LAMA2: variants seen among roughly 807,000 people sequenced by gnomAD.
The protein encoded by LAMA2 is laminin subunit alpha-2.
Under a neutral mutation model 364.8 loss-of-function variants are expected in LAMA2, and 269 were observed. The ratio of observed to expected loss-of-function variants is 0.74; its 90% CI spans 0.67 to 0.82. The LOEUF (loss-of-function observed/expected upper bound fraction) is 0.82, where lower values mean the gene tolerates loss of function less well. Among genes scored for constraint, LAMA2 ranks in the 40% least tolerant of loss-of-function variants. LAMA2 has a pLI of 0.00. For synonymous variants in LAMA2, 1,379 were observed against 1,370.6 expected (o/e 1.01, Z -0.14); for missense variants, 3,807 against 3,873.2 (o/e 0.98, Z 0.45).
chr6:129,254,795 T>A (rs1786518402), intron 14 of LAMA2, among the ~76,000 whole-genome samples: 1 of 152,198 alleles, frequency 6.6e-6, no homozygotes, highest in African/African-American at 2.4e-5. Flanking sequence ...ACCTTTAAAT[T>A]ATCCAAGACT....
At chr6:129,043,620 C>T (rs1787258995) in intron 1 of LAMA2, among the ~76,000 whole-genome samples, 1 of 152,158 alleles carries the variant, frequency 6.6e-6, no homozygotes, top group African/African-American at 2.4e-5. Context: ...TCAGTACAAT[C>T]TCCGTTGATT....
chr6:129,366,041 G>T (rs929156763), intron 32 of LAMA2, among the ~76,000 whole-genome samples, 178 bp from the exon 33 acceptor site: 5 of 152,016 alleles, frequency 3.3e-5, no homozygotes, highest in Admixed American at 3.3e-4. Flanking sequence ...TTCTTTTGTT[G>T]TTGTTCTTAT....
chr6:129,026,351 A>C (rs1210519397), intron 1 of LAMA2, among the ~76,000 whole-genome samples: 1 of 152,226 alleles, frequency 6.6e-6, no homozygotes, highest in Non-Finnish European at 1.5e-5. Context: ...TATATTGTCG[A>C]GTTGTGAGCA....
chr6:129,416,395 T>A (rs1780790808), intron 40 of LAMA2, among the ~76,000 whole-genome samples: 1 of 152,146 alleles, frequency 6.6e-6, no homozygotes, highest in South Asian at 2.1e-4. Flanking sequence ...TCTGAAGAGC[T>A]GTTTGTTTTC....
At chr6:128,978,477 T>C (rs7450990) in intron 1 of LAMA2, among the ~76,000 whole-genome samples, 29,392 of 151,456 alleles carry the variant, frequency 0.19, 3,874 homozygotes, top group African/African-American at 0.38. Context: ...GCCACCAAGC[T>C]GGGCTAATTT....
intron 10 of LAMA2, among the ~76,000 whole-genome samples, chr6:129,182,500 G>T (rs1226270537): frequency 1.3e-5 from 2 of 151,706 alleles, no homozygotes; most frequent in African/African-American, 4.8e-5. Flanking sequence ...AAAATAAATT[G>T]TAGTGTTTCC....
chr6:129,311,411 G>A (rs1774221389), intron 22 of LAMA2, among the ~76,000 whole-genome samples: 1 of 152,054 alleles, frequency 6.6e-6, no homozygotes, highest in Non-Finnish European at 1.5e-5. Context: ...ATGAGCCACC[G>A]CGCCCGGCCT....
chr6:129,224,314 T>A (rs975639794), intron 12 of LAMA2, among the ~76,000 whole-genome samples: 17 of 152,186 alleles, frequency 1.1e-4, no homozygotes, highest in Non-Finnish European at 4.4e-5. Context: ...GACTACCTCT[T>A]TTCCTAATTA....
At chr6:129,430,183 A>G (rs1781519667) in intron 41 of LAMA2, among the ~76,000 whole-genome samples, 1 of 152,200 alleles carries the variant, frequency 6.6e-6, no homozygotes, top group Admixed American at 6.5e-5. Flanking sequence ...ACTACCAGGA[A>G]CTGCTGAAAT....
intron 1 of LAMA2, among the ~76,000 whole-genome samples, chr6:128,975,095 G>C (rs969126502): frequency 2.6e-5 from 4 of 151,958 alleles, no homozygotes; most frequent in Non-Finnish European, 5.9e-5. Flanking sequence ...CTCGTGATCC[G>C]CCTGCCTCTG....
chr6:129,396,545 A>C (rs980338084), intron 37 of LAMA2, among the ~76,000 whole-genome samples: 7 of 152,174 alleles, frequency 4.6e-5, no homozygotes, highest in Non-Finnish European at 1.0e-4. Context: ...AGATCATAGA[A>C]GGCTTTGGAT....
intron 1 of LAMA2, among the ~76,000 whole-genome samples, chr6:128,907,349 C>T (rs1302546535): frequency 3.4e-5 from 5 of 147,772 alleles, no homozygotes; most frequent in African/African-American, 1.2e-4. Flanking sequence ...AGAGGTCCTT[C>T]ACATCCCTTG....
chr6:129,121,376 T>C (rs2114919104), intron 4 of LAMA2, among the ~76,000 whole-genome samples: 1 of 152,330 alleles, frequency 6.6e-6, no homozygotes, highest in South Asian at 2.1e-4. Flanking sequence ...ACAGACTCTC[T>C]TGATGCTGTT....
chr6:129,059,345 A>C (rs1788723268), intron 2 of LAMA2, among the ~76,000 whole-genome samples: 1 of 152,202 alleles, frequency 6.6e-6, no homozygotes, highest in African/African-American at 2.4e-5. Context: ...GCAAGTGTTC[A>C]AGTGTATTTC....
In LAMA2 at chr6:129,049,994, T is replaced by C. The variant is rs1391191226; in HGVS notation, c.189T>C (p.Pro63=). The part of the protein sequence containing the change: ...TTNATCGEKG[P]EMYCKLVEHV... ...ATGCAACATGTGGAGAAAAAGGACC[T>C]GAAATGTACTGCAAATTGGTAGAAC... Residue 63 remains proline, a synonymous_variant, in exon 2 of 65, where the codon CCT becomes CCC. Transcript: ENST00000421865. 6.2e-7 allele frequency: 1 copy of C among 1,614,040 alleles called. No individual in the cohort carries two copies. The highest frequency in any genetic ancestry group is 1.1e-5 in the South Asian group (1 of 91,080).
intron 3 of LAMA2, among the ~76,000 whole-genome samples, chr6:129,074,198 G>A (rs978450418): frequency 6.6e-6 from 1 of 152,146 alleles, no homozygotes; most frequent in Non-Finnish European, 1.5e-5. Flanking sequence ...GACTTCCCAA[G>A]GATCTTCTTA....
Position 129,246,991 on chromosome 6 carries a change from A to G in LAMA2, c.1783-3121A>G, listed in dbSNP as rs376746354. Among the ~76,000 whole-genome samples, 3 of 152,190 alleles carry G rather than the reference A, an allele frequency of 2.0e-5. No homozygotes were observed. The South Asian group carries it at 6.2e-4, about 32-fold the overall frequency. On this transcript the variant is annotated intron_variant, in intron 12 of 64. Coordinates refer to ENST00000421865, the MANE Select transcript of LAMA2 (RefSeq NM_000426.4). Reference sequence around the variant, plus strand: ...CAATGGTATGTACTCTTTGGGGAAGACACAACTGGAAACAACACCAGGAAA... The same window carrying G: ...CAATGGTATGTACTCTTTGGGGAAGGCACAACTGGAAACAACACCAGGAAA...
intron 41 of LAMA2, among the ~76,000 whole-genome samples, chr6:129,434,872 C>G (rs1024726612): frequency 2.6e-5 from 4 of 151,742 alleles, no homozygotes; most frequent in Non-Finnish European, 5.9e-5. Flanking sequence ...CAAGAAATTC[C>G]AGAAACTACT....
chr6:129,052,370 A>T (rs932152202), intron 2 of LAMA2, among the ~76,000 whole-genome samples: 1 of 146,860 alleles, frequency 6.8e-6, no homozygotes, highest in African/African-American at 2.5e-5. Context: ...GCACGGTCTC[A>T]ATCTCCTGAT....
Sources: gnomAD v4.1 joint callset for allele counts (sites outside exome capture counted in the v4.1 genomes callset) on GRCh38, gnomAD v4.1.1 for gene constraint, MANE v1.5 for transcripts, NCBI Gene and HGNC (gene_info 2026-07-23, HGNC 2026-07-21) for gene names.